The following PRDM16 variants were observed in gnomAD, a reference collection of about 807,000 sequenced individuals.
PRDM16 encodes histone-lysine N-methyltransferase PRDM16.
A neutral mutation model predicts 110.6 loss-of-function variants in PRDM16; 23 were observed. That is an observed-to-expected ratio of 0.21 (90% CI 0.15 to 0.29). PRDM16 has a LOEUF of 0.29. Ranked by LOEUF, PRDM16 falls within the 10% of genes least tolerant of loss-of-function variation. The pLI is 1.00. For missense variants in PRDM16, 1,615 were observed against 1,794.3 expected (o/e 0.90, Z 1.81); for synonymous variants, 799 against 781.8 (o/e 1.02, Z -0.37).
intron 3 of PRDM16, among the ~76,000 whole-genome samples, chr1:3,252,065 A>C (rs1006308523): frequency 6.6e-6 from 1 of 152,300 alleles, no homozygotes; most frequent in African/African-American, 2.4e-5. Context: ...GTTCCCCTCC[A>C]GTGTAAAAGA....
chr1:3,233,191 C>T (rs970282089), intron 2 of PRDM16, among the ~76,000 whole-genome samples: 1 of 152,192 alleles, frequency 6.6e-6, no homozygotes, highest in Non-Finnish European at 1.5e-5. Flanking sequence ...AGCAGCTGCC[C>T]CCTGCCCAGG....
chr1:3,256,657 G>A (rs1052337754), intron 3 of PRDM16, among the ~76,000 whole-genome samples: 7 of 152,276 alleles, frequency 4.6e-5, no homozygotes, highest in Admixed American at 3.9e-4. Flanking sequence ...AGGAGATCAA[G>A]ACCATCCTGG....
At position 3,206,518 on chromosome 1, in the gene PRDM16, T is replaced by G. The variant is rs1414999482; in HGVS notation, c.387+20044T>G. 2 of 151,704 alleles carry G rather than the reference T, an allele frequency of 1.3e-5. No individual in the cohort carries two copies. The highest frequency in any genetic ancestry group is 1.3e-4 in the Admixed American group (2 of 15,248). The allele number at this position is 151,704 out of a possible 1,614,324, so 9.4% of individuals were successfully genotyped here. A position where few individuals can be genotyped will look rare whatever the true frequency, so the allele number is the denominator to read the frequency against. On this transcript the variant is annotated intron_variant, in intron 2 of 16. Coordinates refer to ENST00000270722, the MANE Select transcript of PRDM16 (RefSeq NM_022114.4). This position sits in a 1 kb window ranked among gnomAD's most constrained non-coding sequence, Gnocchi z 4.9. ...ATCCTCAGAAAGTGATGTTGCTGAG[T>G]GAATAGAAGGTGCACGTGGCCCTTC...
intron 4 of PRDM16, among the ~76,000 whole-genome samples, chr1:3,392,981 G>C (rs529748914): frequency 6.6e-6 from 1 of 152,360 alleles, no homozygotes; most frequent in East Asian, 1.9e-4. Context: ...CCCACGTTCA[G>C]TCAAGTCATT....
intron 3 of PRDM16, among the ~76,000 whole-genome samples, chr1:3,341,709 A>G (rs530640192): frequency 2.1e-4 from 32 of 152,306 alleles, no homozygotes; most frequent in African/African-American, 7.0e-4. Context: ...CCCAGCTATC[A>G]ATTTGTGGCC....
chr1:3,105,882 G>A (rs1020280455), intron 1 of PRDM16, among the ~76,000 whole-genome samples: 5 of 152,240 alleles, frequency 3.3e-5, no homozygotes, highest in Non-Finnish European at 5.9e-5. Flanking sequence ...GCCGGCCACA[G>A]AGAGTCTTCA....
At chr1:3,252,635 G>A (rs1377313752) in intron 3 of PRDM16, among the ~76,000 whole-genome samples, 1 of 152,138 alleles carries the variant, frequency 6.6e-6, no homozygotes, top group East Asian at 1.9e-4. Context: ...CAGCAGGGTG[G>A]GGCAGCCAGG....
At chr1:3,233,949 C>G (rs1639478915) in intron 2 of PRDM16, among the ~76,000 whole-genome samples, 1 of 151,916 alleles carries the variant, frequency 6.6e-6, no homozygotes, top group Non-Finnish European at 1.5e-5. Flanking sequence ...TTGAGATGGC[C>G]TCTTGCGGGT....
chr1:3,178,819 C>G (rs1001092758), intron 1 of PRDM16, among the ~76,000 whole-genome samples: 1 of 152,154 alleles, frequency 6.6e-6, no homozygotes, highest in African/African-American at 2.4e-5. Context: ...CTGGGTGGAC[C>G]TGTGAATTAC....
chr1:3,194,638 C>A (rs1427884907), intron 2 of PRDM16, among the ~76,000 whole-genome samples: 3 of 145,832 alleles, frequency 2.1e-5, no homozygotes, highest in African/African-American at 7.6e-5. Context: ...CCACCGTCTC[C>A]CCGCCACACG....
chr1:3,192,453 G>A (rs1163515691), intron 2 of PRDM16, among the ~76,000 whole-genome samples: 1 of 152,182 alleles, frequency 6.6e-6, no homozygotes, highest in Non-Finnish European at 1.5e-5. Context: ...TCATGCTCTG[G>A]CCTGCTCATG....
chr1:3,107,808 C>T (rs890455025), intron 1 of PRDM16, among the ~76,000 whole-genome samples: 1 of 152,260 alleles, frequency 6.6e-6, no homozygotes, highest in South Asian at 2.1e-4. Flanking sequence ...TGGCCTCACT[C>T]TCTCCCTGCC....
Position 3,186,106 on chromosome 1 carries a change from G to A in PRDM16, c.38-19G>A, listed in dbSNP as rs538043024. On this transcript the variant is annotated intron_variant, in intron 1 of 16. Transcript: ENST00000270722. ...TGGGGCACGTGCTGCAGAGGTTGAC[G>A]CTGCGTTGTCTCCTTTAGGTGACGG... The A allele has an allele frequency of 5.2e-5, 83 of 1,594,790 alleles. No homozygotes were observed. Among genetic ancestry groups the A allele is most frequent in the South Asian group, 4.0e-4 (36 of 90,710 alleles).
rs1254144225 is a variant in PRDM16, at chr1:3,325,985, G to A, written c.439-59167G>A. ...TCCTTGGTCCTCCTTGGCCATCCTC[G>A]ACCATCCTTGGCCCCCCTTGGCCAT... On this transcript the variant is annotated intron_variant, in intron 3 of 16. Coordinates refer to ENST00000270722, the MANE Select transcript of PRDM16 (RefSeq NM_022114.4). Among the ~76,000 whole-genome samples the A allele has an allele frequency of 4.8e-5, 7 of 145,906 alleles. 1 individual carries two copies. In the East Asian group the frequency reaches 6.2e-4, roughly 13 times the overall value.
chr1:3,316,070 G>A (rs944512297), intron 3 of PRDM16, among the ~76,000 whole-genome samples: 2 of 136,482 alleles, frequency 1.5e-5, no homozygotes, highest in Non-Finnish European at 3.1e-5. Flanking sequence ...ATGGGCTCAG[G>A]CCACACAGAT....
intron 2 of PRDM16, among the ~76,000 whole-genome samples, chr1:3,199,819 T>C (rs560359868): frequency 2.6e-5 from 4 of 152,304 alleles, no homozygotes; most frequent in African/African-American, 7.2e-5. Flanking sequence ...ACGAGCACCA[T>C]GCTGTCTTCC....
intron 3 of PRDM16, among the ~76,000 whole-genome samples, chr1:3,259,679 G>A (rs534126390): frequency 1.8e-4 from 27 of 152,346 alleles, no homozygotes; most frequent in African/African-American, 6.5e-4. Flanking sequence ...GTAGCCTGCA[G>A]CCCCGCATGC....
At chr1:3,302,019 G>A (rs906953200) in intron 3 of PRDM16, among the ~76,000 whole-genome samples, 4 of 152,124 alleles carry the variant, frequency 2.6e-5, no homozygotes, top group African/African-American at 4.8e-5. Flanking sequence ...ATAAGTAGAC[G>A]GTTCATTCTC....
chr1:3,257,371 C>T (rs973691291), intron 3 of PRDM16, among the ~76,000 whole-genome samples: 1 of 152,098 alleles, frequency 6.6e-6, no homozygotes, highest in African/African-American at 2.4e-5. Context: ...TGCTCTAGGC[C>T]GGGCACCAGC....
Sources: gnomAD v4.1 joint callset for allele counts (sites outside exome capture counted in the v4.1 genomes callset) on GRCh38, gnomAD v4.1.1 for gene constraint, Gnocchi (gnomAD v3.1) non-coding constraint, MANE v1.5 for transcripts, NCBI Gene and HGNC (gene_info 2026-07-23, HGNC 2026-07-21) for gene names.